ANKRD11: variants seen among roughly 807,000 people sequenced by gnomAD.
The protein encoded by ANKRD11 is ankyrin repeat domain 11, also known as ankyrin repeat domain-containing protein 11.
A neutral mutation model predicts 195.7 loss-of-function variants in ANKRD11; 17 were observed. That is an observed-to-expected ratio of 0.09 (90% confidence interval 0.06 to 0.13). The LOEUF (loss-of-function observed/expected upper bound fraction) is 0.13, where lower values mean the gene tolerates loss of function less well. Ranked by LOEUF, ANKRD11 falls within the 10% of genes least tolerant of loss-of-function variation. ANKRD11 has a pLI of 1.00. For synonymous variants in ANKRD11, 1,953 were observed against 1,528.1 expected, an observed-to-expected ratio of 1.28 and a Z score of -6.49; for missense variants, 3,735 against 3,566.1, an observed-to-expected ratio of 1.05 and a Z score of -1.21.
At chr16:89,406,718 ACCTCAGTGCCTCCT>A (rs1382039216) in intron 2 of ANKRD11, among the ~76,000 whole-genome samples, 6 of 152,112 alleles carry the variant, frequency 3.9e-5, no homozygotes, top group Non-Finnish European at 8.8e-5. Flanking sequence ...AAGAAGATGG[ACCTCAGTGCCTCCT>A]TCACGCTGAT....
intron 2 of ANKRD11, among the ~76,000 whole-genome samples, chr16:89,382,230 A>G (rs1242312557): frequency 6.6e-6 from 1 of 152,180 alleles, no homozygotes; most frequent in Non-Finnish European, 1.5e-5. Flanking sequence ...CCAGGGCAGG[A>G]GTGACCCAAG....
In ANKRD11 at chr16:89,284,523, C is replaced by T. The variant is rs746630934; in HGVS notation, c.2019G>A (p.Leu673=). 1 of 1,614,108 alleles carries T rather than the reference C, an allele frequency of 6.2e-7. No individual in the cohort carries two copies. ...DSKQKSDKAI[L]LENDLSTENK... ...TTTCAGTGGAAAGATCATTCTCTAA[C>T]AGTATAGCCTTATCTGACTTCTGCT... The change falls in exon 9 of 13, where the codon CTG becomes CTA. Residue 673 remains leucine (L), a synonymous_variant. Transcript: ENST00000301030.
At chr16:89,448,215 C>T (rs2043895742) in intron 1 of ANKRD11, among the ~76,000 whole-genome samples, 1 of 152,160 alleles carries the variant, frequency 6.6e-6, no homozygotes, top group African/African-American at 2.4e-5. Context: ...ACACTGGGCA[C>T]AGGAATTCAG....
intron 3 of ANKRD11, among the ~76,000 whole-genome samples, chr16:89,311,435 C>T (rs1597582742): frequency 6.6e-6 from 1 of 152,162 alleles, no homozygotes; most frequent in East Asian, 1.9e-4. Context: ...ACAAGAACCT[C>T]TATGTTTACC....
chr16:89,286,072 C>G lies in ANKRD11; in HGVS notation c.859G>C (p.Gly287Arg), dbSNP rs2034623717. The G allele has an allele frequency of 6.2e-7, 1 of 1,614,132 alleles. No homozygotes were observed. The highest frequency in any genetic ancestry group is 1.3e-5 in the African/African-American group (1 of 74,948). Reference sequence around the variant, plus strand: ...CTCTCCTCGCTGGAAGTGTAAGTGCCTTTGCCTAACAGGAGGTTCACCATC... The same window carrying G: ...CTCTCCTCGCTGGAAGTGTAAGTGCGTTTGCCTAACAGGAGGTTCACCATC... ...PTMVNLLLGK[G>R]TYTSSEESST... The change falls in exon 8 of 13, where the codon GGC becomes CGC. Residue 287 changes from glycine (G) to arginine (R), a missense_variant. Transcript: ENST00000301030.
chr16:89,376,741 G>T (rs755032607), intron 2 of ANKRD11, among the ~76,000 whole-genome samples: 3 of 152,186 alleles, frequency 2.0e-5, no homozygotes, highest in Non-Finnish European at 2.9e-5. Flanking sequence ...GCCTGGCCCT[G>T]CCTGAACAGG....
intron 7 of ANKRD11, chr16:89,286,665 T>C (rs1249511163): frequency 8.1e-7 from 1 of 1,231,830 alleles, no homozygotes; most frequent in East Asian, 5.7e-5. Context: ...ACCAAGTTTC[T>C]GCAAGCTGCT....
chr16:89,282,589 G>C lies in ANKRD11; in HGVS notation c.3953C>G (p.Thr1318Ser), dbSNP rs570483616. 63 of 1,614,156 alleles carry C rather than the reference G, an allele frequency of 3.9e-5. No homozygotes were observed. In the East Asian group the frequency reaches 1.2e-3, roughly 30 times the overall value. The change falls in exon 9 of 13, where the codon ACT becomes AGT. Residue 1318 changes from threonine to serine, a missense_variant. Transcript: ENST00000301030. ...CGTGAAAGAGACCTCCAGGAAGGCA[G>C]TCAGCCCCGGCTCCTGCCCTCGGTC... ...FTDRGQEPGL[T>S]AFLEVSFTEP...
intron 1 of ANKRD11, among the ~76,000 whole-genome samples, chr16:89,430,647 G>T (rs1369988861): frequency 6.6e-6 from 1 of 152,254 alleles, no homozygotes; most frequent in African/African-American, 2.4e-5. Context: ...CCCCTTGGAT[G>T]AATGGCTGAT....
At chr16:89,423,405 C>T (rs982860885) in intron 1 of ANKRD11, among the ~76,000 whole-genome samples, 8 of 152,248 alleles carry the variant, frequency 5.3e-5, no homozygotes, top group African/African-American at 1.7e-4. Context: ...CTTTTCCCTG[C>T]TTCCCACAGA....
At position 89,290,430 on chromosome 16, in the gene ANKRD11, G is replaced by T. The variant is rs560169801; in HGVS notation, c.601+195C>A. Among the ~76,000 whole-genome samples the T allele has an allele frequency of 8.9e-5, 8 of 90,238 alleles. 2 individuals are homozygous for T. Among genetic ancestry groups the T allele is most frequent in the African/African-American group, 1.3e-4 (3 of 23,362 alleles). 59.2% of individuals were successfully genotyped at this position (90,238 alleles called of 152,430 possible). A position where few individuals can be genotyped will look rare whatever the true frequency, so the allele number is the denominator to read the frequency against. ...TTGGGGGAGGCTCAGGGCTCCAATG[G>T]GGGGAGGCTCAGGGCTCCAATGGGG... On this transcript the variant is annotated intron_variant, in intron 6 of 12. Transcript: ENST00000301030.
chr16:89,289,835 G>C (rs1272665809), intron 6 of ANKRD11, among the ~76,000 whole-genome samples: 2 of 152,184 alleles, frequency 1.3e-5, no homozygotes, highest in Admixed American at 6.5e-5. Context: ...GAGGCCATGA[G>C]TTCAAACCAG....
chr16:89,424,613 G>A (rs1398174597), intron 1 of ANKRD11, among the ~76,000 whole-genome samples: 1 of 151,974 alleles, frequency 6.6e-6, no homozygotes, highest in African/African-American at 2.4e-5. Context: ...CGAACATTAC[G>A]CTGAGCAAAA....
At chr16:89,443,522 G>GC (rs2043627179) in intron 1 of ANKRD11, 1 of 152,140 alleles carries the variant, frequency 6.6e-6, no homozygotes, top group Admixed American at 6.6e-5. Flanking sequence ...CATTCCCACA[G>GC]CAAGCACCAC....
At chr16:89,278,797 T>C (rs2033895635) in intron 9 of ANKRD11, 1 of 630,146 alleles carries the variant, frequency 1.6e-6, no homozygotes, top group South Asian at 1.5e-5. Context: ...CCCACACGAG[T>C]GGGACCGGGG....
chr16:89,357,732 G>C (rs1046274650), intron 2 of ANKRD11, among the ~76,000 whole-genome samples: 9 of 152,238 alleles, frequency 5.9e-5, no homozygotes. Context: ...ACAGGGTCCA[G>C]GGACAAACAG....
intron 2 of ANKRD11, among the ~76,000 whole-genome samples, chr16:89,365,999 G>A (rs1199666939): frequency 2.0e-5 from 3 of 151,918 alleles, no homozygotes; most frequent in African/African-American, 7.3e-5. Flanking sequence ...TTAAGGATAA[G>A]GGCCTCCAGG....
chr16:89,384,879 C>CTGTTTTTTTTTTTTTTTTT (rs2040832872), intron 2 of ANKRD11, among the ~76,000 whole-genome samples: 1 of 49,910 alleles, frequency 2.0e-5, no homozygotes, highest in Non-Finnish European at 3.5e-5. Flanking sequence ...AAATAGTTTT[C>CTGTTTTTTTTTTTTTTTTT]TTTTTTTTTT....
At position 89,370,077 on chromosome 16, in the gene ANKRD11, G is replaced by A. The variant is rs188787369; in HGVS notation, c.-60+48207C>T. On this transcript the variant is annotated intron_variant, in intron 2 of 12. Transcript: ENST00000301030. ...CTTCTGGCTTCAGAGCTCTCACTGAGGAAGAATCTCAGGCATGGCAGGAAG... is the reference window on the plus strand; with the variant it reads ...CTTCTGGCTTCAGAGCTCTCACTGAAGAAGAATCTCAGGCATGGCAGGAAG... 5.3e-5 allele frequency among the ~76,000 whole-genome samples: 8 copies of A among 152,340 alleles called. No individual in the cohort carries two copies. In the East Asian group the frequency reaches 7.7e-4, roughly 15 times the overall value.
Sources: allele counts gnomAD v4.1 joint callset (sites outside exome capture counted in the v4.1 genomes callset), GRCh38; gene constraint gnomAD v4.1.1; transcripts MANE v1.5; gene names NCBI Gene and HGNC (gene_info 2026-07-23, HGNC 2026-07-21).